ADAMTSL1: variants seen among roughly 807,000 people sequenced by gnomAD.
ADAMTSL1 encodes the protein ADAMTS-like protein 1.
Under a neutral mutation model 201.8 loss-of-function variants are expected in ADAMTSL1, and 126 were observed. The ratio of observed to expected loss-of-function variants is 0.62; its 90% CI spans 0.54 to 0.72. The LOEUF (loss-of-function observed/expected upper bound fraction) is 0.72, where lower values mean the gene tolerates loss of function less well. ADAMTSL1 is among the 30% of genes least tolerant of loss of function. ADAMTSL1 has a pLI of 0.00. For missense variants in ADAMTSL1, 2,679 were observed against 2,277.8 expected (o/e 1.18, Z -3.59); for synonymous variants, 1,121 against 903.4 (o/e 1.24, Z -4.32).
At chr9:17,961,583 G>A (rs943978751) in intron 1 of ADAMTSL1, among the ~76,000 whole-genome samples, 16 of 152,274 alleles carry the variant, frequency 1.1e-4, no homozygotes, top group African/African-American at 3.6e-4. Flanking sequence ...AGGTGGTGGT[G>A]AGGTACACTT....
chr9:18,261,306 A>T (rs556499019), intron 2 of ADAMTSL1, among the ~76,000 whole-genome samples: 2 of 152,144 alleles, frequency 1.3e-5, no homozygotes, highest in South Asian at 4.1e-4. Flanking sequence ...GGCCCTTAGA[A>T]TATCACAGGG....
At chr9:18,625,707 G>T (rs1826319180) in intron 5 of ADAMTSL1, among the ~76,000 whole-genome samples, 1 of 152,124 alleles carries the variant, frequency 6.6e-6, no homozygotes, top group South Asian at 2.1e-4. Flanking sequence ...AGTATACTCA[G>T]AATATTCTTA....
chr9:18,424,564 C>G (rs1333116383), intron 2 of ADAMTSL1, among the ~76,000 whole-genome samples: 1 of 152,028 alleles, frequency 6.6e-6, no homozygotes, highest in Admixed American at 6.6e-5. Context: ...TAACATAAAC[C>G]CCAAAGTTAG....
chr9:18,827,386 G>A (rs144302222), intron 22 of ADAMTSL1, among the ~76,000 whole-genome samples: 1 of 152,018 alleles, frequency 6.6e-6, no homozygotes, highest in African/African-American at 2.4e-5. Context: ...TTTTCACACC[G>A]AGAGTTGAAG....
intron 2 of ADAMTSL1, among the ~76,000 whole-genome samples, chr9:18,350,650 C>T (rs1348929821): frequency 1.3e-5 from 2 of 152,108 alleles, no homozygotes; most frequent in South Asian, 2.1e-4. Context: ...TTTCTTTTGG[C>T]GTTAATTATT....
chr9:18,361,749 C>G (rs183904920), intron 2 of ADAMTSL1, among the ~76,000 whole-genome samples: 3 of 152,282 alleles, frequency 2.0e-5, no homozygotes, highest in African/African-American at 7.2e-5. Flanking sequence ...AAATAAAAAT[C>G]TCCGGAGACT....
chr9:18,409,634 G>A (rs920922958), intron 2 of ADAMTSL1, among the ~76,000 whole-genome samples: 8 of 150,344 alleles, frequency 5.3e-5, no homozygotes, highest in Non-Finnish European at 1.2e-4. Flanking sequence ...GTTTTTTTGT[G>A]TTCTTTTCCT....
intron 26 of ADAMTSL1, among the ~76,000 whole-genome samples, chr9:18,899,916 C>A (rs1288172814): frequency 1.3e-5 from 2 of 152,102 alleles, no homozygotes; most frequent in African/African-American, 4.8e-5. Flanking sequence ...AAAGCAATTG[C>A]AACAAAAGCA....
chr9:18,522,569 C>A (rs897007287), intron 2 of ADAMTSL1, among the ~76,000 whole-genome samples: 1 of 151,156 alleles, frequency 6.6e-6, no homozygotes, highest in African/African-American at 2.4e-5. Flanking sequence ...TAAGTATATC[C>A]CCTAATGCTA....
chr9:18,198,156 T>G (rs1310466172), intron 2 of ADAMTSL1, among the ~76,000 whole-genome samples: 5 of 152,010 alleles, frequency 3.3e-5, no homozygotes, highest in Non-Finnish European at 4.4e-5. Context: ...ATAAAAACCC[T>G]AGAAGAAAAC....
intron 2 of ADAMTSL1, among the ~76,000 whole-genome samples, chr9:18,166,990 G>C (rs575745112): frequency 1.8e-4 from 27 of 151,990 alleles, no homozygotes; most frequent in Middle Eastern, 3.4e-3. Flanking sequence ...GGCTAATTTC[G>C]TTCTCTGCAC....
chr9:18,034,804 A>G (rs1002070283), intron 1 of ADAMTSL1, among the ~76,000 whole-genome samples: 2 of 152,244 alleles, frequency 1.3e-5, no homozygotes, highest in African/African-American at 4.8e-5. Flanking sequence ...CACACTTGGA[A>G]CATCCTAAAA....
intron 2 of ADAMTSL1, among the ~76,000 whole-genome samples, chr9:18,205,809 G>A (rs565390438): frequency 7.9e-5 from 12 of 152,026 alleles, no homozygotes; most frequent in Admixed American, 2.6e-4. Context: ...ATCCCAAGAC[G>A]TTGTGAGGCT....
intron 1 of ADAMTSL1, among the ~76,000 whole-genome samples, chr9:18,050,900 G>A (rs948122622): frequency 7.9e-5 from 12 of 152,174 alleles, no homozygotes; most frequent in African/African-American, 2.7e-4. Context: ...TACTACCATT[G>A]CATGTCAATT....
chr9:18,701,047 G>A (rs902577074), intron 13 of ADAMTSL1, among the ~76,000 whole-genome samples: 16 of 152,066 alleles, frequency 1.1e-4, no homozygotes, highest in Non-Finnish European at 2.9e-5. Flanking sequence ...CATTCCACTA[G>A]ACACAGTTAA....
At chr9:18,895,563 T>C (rs1829578230) in intron 26 of ADAMTSL1, among the ~76,000 whole-genome samples, 1 of 152,030 alleles carries the variant, frequency 6.6e-6, no homozygotes, top group Non-Finnish European at 1.5e-5. Flanking sequence ...TCTATGCAAC[T>C]GACGCTCTAA....
chr9:18,713,232 C>G (rs1832719783), intron 14 of ADAMTSL1, among the ~76,000 whole-genome samples: 1 of 151,882 alleles, frequency 6.6e-6, no homozygotes, highest in South Asian at 2.1e-4. Flanking sequence ...ATGACAGGAT[C>G]ATATTCACAC....
intron 15 of ADAMTSL1, among the ~76,000 whole-genome samples, chr9:18,743,025 C>T (rs1299078452): frequency 6.6e-6 from 1 of 152,152 alleles, no homozygotes; most frequent in Admixed American, 6.5e-5. Flanking sequence ...AATAACTTTG[C>T]AGATCATCTA....
At position 18,662,225 on chromosome 9, in the gene ADAMTSL1, T is replaced by C. The variant is rs1829141111; in HGVS notation, c.1085+152T>C. 3.8e-6 allele frequency: 4 copies of C among 1,050,452 alleles called. No homozygotes were observed. The East Asian group carries it at 1.1e-4, about 28-fold the overall frequency. 65.1% of individuals were successfully genotyped at this position (1,050,452 alleles called of 1,614,324 possible). A position where few individuals can be genotyped will look rare whatever the true frequency, so the allele number is the denominator to read the frequency against. ...GTGTTCATTACTAATCACGTGTTATTAGTACCCATACTCCTTGCTCTGGCT... is the reference window on the plus strand; with the variant it reads ...GTGTTCATTACTAATCACGTGTTATCAGTACCCATACTCCTTGCTCTGGCT... On this transcript the variant is annotated intron_variant, in intron 9 of 28. Transcript: ENST00000380548.
Sources: gnomAD v4.1 joint callset for allele counts (sites outside exome capture counted in the v4.1 genomes callset) on GRCh38, gnomAD v4.1.1 for gene constraint, MANE v1.5 for transcripts, NCBI Gene and HGNC (gene_info 2026-07-23, HGNC 2026-07-21) for gene names.